Variants in LIPG observed in about 807,000 individuals in gnomAD.
LIPG encodes lipase G, endothelial type.
Under a neutral mutation model 51.8 loss-of-function variants are expected in LIPG, and 34 were observed. That is an observed-to-expected ratio of 0.66 (90% CI 0.50 to 0.87). The LOEUF is 0.87. Among genes scored for constraint, LIPG ranks in the 40% least tolerant of loss-of-function variants. The probability of loss-of-function intolerance (pLI) is 0.00; values close to 1 mark genes in which losing one functional copy is unlikely to be tolerated. For missense variants in LIPG, 580 were observed against 652.7 expected (o/e 0.89, Z 1.21); for synonymous variants, 246 against 246.1 (o/e 1.00, Z 0.00).
intron 4 of LIPG, among the ~76,000 whole-genome samples, chr18:49,571,194 C>G (rs1471583721): frequency 6.6e-6 from 1 of 152,176 alleles, no homozygotes; most frequent in Non-Finnish European, 1.5e-5. Flanking sequence ...CTGGAAGCCA[C>G]TCGGGTTCCA....
chr18:49,575,578 A>G lies in LIPG; in HGVS notation c.781A>G (p.Ile261Val), dbSNP rs150990240. The G allele has an allele frequency of 2.5e-6, 4 of 1,613,974 alleles. No homozygotes were observed. Among genetic ancestry groups the G allele is most frequent in the Non-Finnish European group, 3.4e-6 (4 of 1,179,918 alleles). ...GCGLNDVLGS[I>V]AYGTITEVVK... ...TGGACTCAACGATGTCTTGGGATCA[A>G]TTGCATATGGAAGTGAGTTCCCTCT... Residue 261 changes from isoleucine (I) to valine (V), a missense_variant, in exon 5 of 10, where the codon ATT (isoleucine) becomes GTT (valine). Transcript: ENST00000261292.
intron 4 of LIPG, among the ~76,000 whole-genome samples, chr18:49,574,093 C>G (rs116924298): frequency 6.6e-6 from 1 of 152,218 alleles, no homozygotes; most frequent in African/African-American, 2.4e-5. Flanking sequence ...ACTGTTCCAG[C>G]GGCCCTTCCT....
chr18:49,590,577 C>T lies in LIPG; in HGVS notation c.*55C>T. 6.4e-7 allele frequency: 1 copy of T among 1,555,350 alleles called. No homozygotes were observed. The highest frequency in any genetic ancestry group is 8.7e-7 in the Non-Finnish European group (1 of 1,143,074). On this transcript the variant is annotated 3_prime_UTR_variant, in exon 10 of 10. Coordinates refer to ENST00000261292, the MANE Select transcript of LIPG (RefSeq NM_006033.4). ...CAGCAAGACTTCCTGCTATCCAAGC[C>T]CATGGAGGAAAGTTACTGCTGAGGA...
intron 9 of LIPG, among the ~76,000 whole-genome samples, chr18:49,588,840 C>T (rs2084912244): frequency 6.6e-6 from 1 of 152,152 alleles, no homozygotes; most frequent in African/African-American, 2.4e-5. Context: ...TGCCTGTCGC[C>T]ACCCTTTGCT....
chr18:49,577,792 G>A (rs1409860521), intron 5 of LIPG, among the ~76,000 whole-genome samples: 1 of 114,334 alleles, frequency 8.7e-6, no homozygotes, highest in Non-Finnish European at 1.8e-5. Context: ...GCCAGGCGGG[G>A]GGCTGACCCC....
Position 49,575,359 on chromosome 18 carries a change from T to G in LIPG, c.572-10T>G, listed in dbSNP as rs368834078. The G allele has an allele frequency of 3.1e-6, 5 of 1,611,796 alleles. No homozygotes were observed. The highest frequency in any genetic ancestry group is 4.2e-6 in the Non-Finnish European group (5 of 1,179,768). ...CACCACAGCTGTTTTGGGGCCTCCT[T>G]CTGCTGCAGGTTTGGATCCTGCCGG... On this transcript the variant is annotated splice_polypyrimidine_tract_variant and intron_variant, in intron 4 of 9. Transcript: ENST00000261292.
chr18:49,583,560 G>T lies in LIPG; in HGVS notation c.1162G>T (p.Glu388Ter). Residue 388 changes from glutamate to a stop codon, truncating the protein, a stop_gained, in exon 8 of 10, where the codon GAG (glutamate) becomes TAG (stop). Transcript: ENST00000261292. LOFTEE classifies it high-confidence loss of function. ...DSQTLPLEIV[E>*]RIEQNATNTF... ...CAGCTTCTCTCCCACTTGTAGAGTG[G>T]AGCGGATCGAGCAGAATGCCACCAA... The T allele has an allele frequency of 2.5e-6, 4 of 1,614,008 alleles. No individual in the cohort carries two copies. The highest frequency in any genetic ancestry group is 3.4e-6 in the Non-Finnish European group (4 of 1,179,960).
At chr18:49,587,722 C>T (rs191570091) in intron 9 of LIPG, among the ~76,000 whole-genome samples, 22 of 152,130 alleles carry the variant, frequency 1.4e-4, no homozygotes, top group Admixed American at 2.0e-4. Flanking sequence ...CATGACCCTA[C>T]TGGCATGAGA....
chr18:49,575,278 A>G (rs1236087891), intron 4 of LIPG, 91 bp from the exon 5 acceptor site: 2 of 995,438 alleles, frequency 2.0e-6, no homozygotes, highest in South Asian at 2.8e-5. Flanking sequence ...AGTCATCTTC[A>G]TTCTGCACAC....
chr18:49,575,573 G>A lies in LIPG; in HGVS notation c.776G>A (p.Gly259Glu), dbSNP rs780559327. ...GGCTGTGGACTCAACGATGTCTTGG[G>A]ATCAATTGCATATGGAAGTGAGTTC... ...QPGCGLNDVL[G>E]SIAYGTITEV... Residue 259 changes from glycine (G) to glutamate (E), a missense_variant, in exon 5 of 10, where the codon GGA becomes GAA. Physicochemically the swap from Gly to Glu is moderately conservative, Grantham distance 98 (BLOSUM62 -2). Transcript: ENST00000261292. 3.1e-6 allele frequency: 5 copies of A among 1,614,096 alleles called. No individual in the cohort carries two copies. Among genetic ancestry groups the A allele is most frequent in the African/African-American group, 1.3e-5 (1 of 75,050 alleles).
In LIPG at chr18:49,583,546, C is replaced by T. The variant is rs748536123; in HGVS notation, c.1158-10C>T. 5 of 1,612,604 alleles carry T rather than the reference C, an allele frequency of 3.1e-6. No homozygotes were observed. The highest frequency in any genetic ancestry group is 3.3e-5 in the Admixed American group (2 of 60,010). ...TAGGGGAGTGAGATCAGCTTCTCTC[C>T]CACTTGTAGAGTGGAGCGGATCGAG... is the stretch of plus-strand genomic sequence containing the variant. On this transcript the variant is annotated splice_polypyrimidine_tract_variant and intron_variant, in intron 7 of 9. Coordinates refer to ENST00000261292, the MANE Select transcript of LIPG (RefSeq NM_006033.4).
Position 49,590,609 on chromosome 18 carries a change from C to A in LIPG, c.*87C>A. 1 of 1,322,266 alleles carries A rather than the reference C, an allele frequency of 7.6e-7. No individual in the cohort carries two copies. The highest frequency in any genetic ancestry group is 1.1e-6 in the Non-Finnish European group (1 of 937,572). The allele number at this position is 1,322,266 out of a possible 1,614,324, so 81.9% of individuals were successfully genotyped here. A position where few individuals can be genotyped will look rare whatever the true frequency, so the allele number is the denominator to read the frequency against. ...GGAAAGTTACTGCTGAGGACCCACC[C>A]AATGGAAGGATTCTTCTCAGCCTTG... On this transcript the variant is annotated 3_prime_UTR_variant, in exon 10 of 10. Transcript: ENST00000261292.
In LIPG at chr18:49,594,648, T is replaced by G. The variant is rs976465252; in HGVS notation, c.*4126T>G. The G allele has an allele frequency of 6.6e-6, 1 of 152,260 alleles. No individual in the cohort carries two copies. The highest frequency in any genetic ancestry group is 1.5e-5 in the Non-Finnish European group (1 of 68,048). The allele number at this position is 152,260 out of a possible 1,614,324, so 9.4% of individuals were successfully genotyped here. ...GTAATCTTAAATTGATCTATGACTA[T>G]GAAGTATAATGCATTACATCAGTTT... On this transcript the variant is annotated 3_prime_UTR_variant, in exon 10 of 10. Coordinates refer to ENST00000261292, the MANE Select transcript of LIPG (RefSeq NM_006033.4).
chr18:49,569,630 A>C (rs1457919526), intron 4 of LIPG, 82 bp downstream of exon 4: 1 of 1,124,856 alleles, frequency 8.9e-7, no homozygotes, highest in African/African-American at 1.5e-5. Context: ...AGAGTGAGTC[A>C]TAGAAAGTTA....
chr18:49,561,791 C>A, upstream of LIPG: 1 of 1,255,326 alleles, frequency 8.0e-7, no homozygotes, highest in Middle Eastern at 3.1e-4. Flanking sequence ...ATCTGGGTGT[C>A]CGGAGGAGGG....
chr18:49,569,536 G>A lies in LIPG; in HGVS notation c.559G>A (p.Gly187Ser), dbSNP rs969789197. The A allele has an allele frequency of 6.2e-7, 1 of 1,613,754 alleles. No individual in the cohort carries two copies. The highest frequency in any genetic ancestry group is 8.5e-7 in the Non-Finnish European group (1 of 1,179,816). ...YAGNFVKGTV[G>S]RITGLDPAGP... ...AGGCAACTTCGTGAAAGGAACGGTG[G>A]GCCGAATCACAGGTGAGCTCCACTT... is the stretch of plus-strand genomic sequence containing the variant. Residue 187 changes from glycine to serine, a missense_variant, in exon 4 of 10, where the codon GGC becomes AGC. By Grantham distance (56) the Gly-to-Ser change is moderately conservative. Transcript: ENST00000261292.
chr18:49,579,229 A>G (rs534685581), intron 5 of LIPG, among the ~76,000 whole-genome samples: 53 of 112,330 alleles, frequency 4.7e-4, no homozygotes, highest in Non-Finnish European at 6.6e-4. Flanking sequence ...GGAGAGGGAG[A>G]GGGAGAGGGC....
At chr18:49,582,813 C>T (rs2084835812) in intron 7 of LIPG, among the ~76,000 whole-genome samples, 1 of 152,222 alleles carries the variant, frequency 6.6e-6, no homozygotes, top group Non-Finnish European at 1.5e-5. Flanking sequence ...TCTGTAACTT[C>T]GTAAACGTCA....
At chr18:49,578,114 G>C (rs1341949374) in intron 5 of LIPG, among the ~76,000 whole-genome samples, 2 of 64,088 alleles carry the variant, frequency 3.1e-5, no homozygotes, top group Admixed American at 2.1e-4. Context: ...TGGCCGGGCG[G>C]GGGGCTGACC....
Sources: allele counts gnomAD v4.1 joint callset (sites outside exome capture counted in the v4.1 genomes callset), GRCh38; gene constraint gnomAD v4.1.1; transcripts MANE v1.5; gene names NCBI Gene and HGNC (gene_info 2026-07-23, HGNC 2026-07-21).